The following CRTC3 variants were observed in gnomAD, a reference collection of about 807,000 sequenced individuals.
CRTC3 encodes the protein CREB regulated transcription coactivator 3.
CRTC3 carries 26 observed loss-of-function variants against 74.5 expected under a neutral mutation model. That is an observed-to-expected ratio of 0.35 (90% CI 0.26 to 0.48). The LOEUF (loss-of-function observed/expected upper bound fraction) is 0.48. Among genes scored for constraint, CRTC3 ranks in the 20% least tolerant of loss-of-function variants. The pLI, the probability that CRTC3 is intolerant of heterozygous loss-of-function variation, is 0.99. For synonymous variants in CRTC3, 377 were observed against 325.8 expected, an observed-to-expected ratio of 1.16 and a Z score of -1.69; for missense variants, 760 against 787.3, an observed-to-expected ratio of 0.97 and a Z score of 0.41.
At chr15:90,625,212 C>T (rs951117622) in intron 9 of CRTC3, 1 of 145,762 alleles carries the variant, frequency 6.9e-6, no homozygotes, top group Admixed American at 6.1e-5. Flanking sequence ...TAGGCCTGAC[C>T]CCGGCGGACA....
intron 2 of CRTC3, among the ~76,000 whole-genome samples, chr15:90,560,353 A>G (rs973553241): frequency 7.9e-5 from 12 of 152,226 alleles, no homozygotes; most frequent in East Asian, 1.9e-4. Context: ...CTCAGAGCCA[A>G]GTAGACCCAA....
chr15:90,564,069 C>G (rs1596085784), intron 2 of CRTC3, among the ~76,000 whole-genome samples: 1 of 152,284 alleles, frequency 6.6e-6, no homozygotes, highest in East Asian at 1.9e-4. Flanking sequence ...ATTACTGTCT[C>G]TATTTACAGG....
chr15:90,622,987 A>C (rs1488525547), intron 9 of CRTC3, among the ~76,000 whole-genome samples: 4 of 152,212 alleles, frequency 2.6e-5, no homozygotes, highest in African/African-American at 9.6e-5. Flanking sequence ...CAGTTCGCCC[A>C]GTCCTACTTT....
At chr15:90,616,245 G>C (rs1968492539) in intron 7 of CRTC3, among the ~76,000 whole-genome samples, 1 of 152,176 alleles carries the variant, frequency 6.6e-6, no homozygotes, top group African/African-American at 2.4e-5. Flanking sequence ...TGGTTTAGCA[G>C]AAATGACTGC....
At chr15:90,563,545 C>G (rs946577890) in intron 2 of CRTC3, among the ~76,000 whole-genome samples, 2 of 152,108 alleles carry the variant, frequency 1.3e-5, no homozygotes, top group Non-Finnish European at 2.9e-5. Flanking sequence ...TAGCCTTGAC[C>G]GAGCTTCTGC....
At position 90,642,480 on chromosome 15, in the gene CRTC3, T is replaced by TA; in HGVS notation, c.*340_*341insA. 1 of 429,936 alleles carries TA rather than the reference T, an allele frequency of 2.3e-6. No homozygotes were observed. The highest frequency in any genetic ancestry group is 3.7e-5 in the Admixed American group (1 of 27,272). 26.6% of individuals were successfully genotyped at this position (429,936 alleles called of 1,614,324 possible). ...AGGAAATACTGTGTCACTGGAGGCCTCCGTAGCATTGTGTAGTGTGCTCAG... is the reference window on the plus strand; with the variant it reads ...AGGAAATACTGTGTCACTGGAGGCCTACCGTAGCATTGTGTAGTGTGCTCAG... On this transcript the variant is annotated 3_prime_UTR_variant, in exon 15 of 15. Coordinates refer to ENST00000268184, the MANE Select transcript of CRTC3 (RefSeq NM_022769.5).
At chr15:90,534,128 A>G (rs1405964983) in intron 1 of CRTC3, among the ~76,000 whole-genome samples, 2 of 151,970 alleles carry the variant, frequency 1.3e-5, no homozygotes, top group African/African-American at 4.8e-5. Flanking sequence ...TTAGTAGGAG[A>G]TGTGATAGTG....
chr15:90,536,132 C>G (rs1427166881), intron 1 of CRTC3, among the ~76,000 whole-genome samples: 1 of 152,092 alleles, frequency 6.6e-6, no homozygotes, highest in Non-Finnish European at 1.5e-5. Flanking sequence ...CTTTTCTGTT[C>G]CAGTGATTTG....
chr15:90,555,876 T>A (rs1649025638), intron 2 of CRTC3, among the ~76,000 whole-genome samples: 4 of 152,170 alleles, frequency 2.6e-5, no homozygotes, highest in African/African-American at 9.7e-5. Flanking sequence ...TACATTGCAT[T>A]TGTTTATAGC....
chr15:90,545,542 GGC>G (rs1172332640), intron 2 of CRTC3, among the ~76,000 whole-genome samples: 6 of 151,236 alleles, frequency 4.0e-5, no homozygotes, highest in South Asian at 2.1e-4. Context: ...TGGGTTTACA[GGC>G]GCGCCCCACC....
rs1268315250 is a variant in CRTC3 at position 90,530,170 on chromosome 15, C to T, written c.99C>T (p.Phe33=). Residue 33 remains phenylalanine, a synonymous_variant, in exon 1 of 15, where the codon TTC becomes TTT. Transcript: ENST00000268184. This position sits in a 1 kb window ranked among gnomAD's most constrained non-coding sequence, Gnocchi z 6.2. ...GACAGGCCGAGGAGACGCGGGCCTT[C>T]GAGCAGCTCATGACCGACCTCACCC... ...TQRQAEETRA[F]EQLMTDLTLS... 2.1e-6 allele frequency: 3 copies of T among 1,421,138 alleles called. No homozygotes were observed. The highest frequency in any genetic ancestry group is 2.2e-5 in the Admixed American group (1 of 45,248). The allele number at this position is 1,421,138 out of a possible 1,614,324, so 88.0% of individuals were successfully genotyped here.
chr15:90,535,640 A>G (rs909645505), intron 1 of CRTC3, among the ~76,000 whole-genome samples: 4 of 142,738 alleles, frequency 2.8e-5, no homozygotes, highest in African/African-American at 8.0e-5. Context: ...GCGCAGACTC[A>G]TTATTTTCAT....
In CRTC3 at chr15:90,542,073, C is replaced by T. The variant is rs556640513; in HGVS notation, c.231+1936C>T. 7.4e-5 allele frequency among the ~76,000 whole-genome samples: 11 copies of T among 148,658 alleles called. No homozygotes were observed. In the East Asian group the frequency reaches 2.1e-3, roughly 28 times the overall value. Reference sequence around the variant, plus strand: ...TGCTGGGATTACAGGCATGAGCCACCGTGCGTAGCCCCCAGGATTCTTTTC... The same window carrying T: ...TGCTGGGATTACAGGCATGAGCCACTGTGCGTAGCCCCCAGGATTCTTTTC... On this transcript the variant is annotated intron_variant, in intron 2 of 14. Coordinates refer to ENST00000268184, the MANE Select transcript of CRTC3 (RefSeq NM_022769.5).
At chr15:90,620,688 C>T (rs541935755) in intron 9 of CRTC3, among the ~76,000 whole-genome samples, 7 of 152,142 alleles carry the variant, frequency 4.6e-5, no homozygotes, top group South Asian at 2.1e-4. Context: ...ATCATAGTGT[C>T]CGTGAGAGCA....
At chr15:90,556,300 C>A (rs1235795791) in intron 2 of CRTC3, among the ~76,000 whole-genome samples, 3 of 152,058 alleles carry the variant, frequency 2.0e-5, no homozygotes, top group African/African-American at 7.2e-5. Flanking sequence ...TCATAGATTT[C>A]CACAAGTAGA....
At chr15:90,545,054 G>A (rs1420163017) in intron 2 of CRTC3, among the ~76,000 whole-genome samples, 1 of 152,084 alleles carries the variant, frequency 6.6e-6, no homozygotes, top group African/African-American at 2.4e-5. Context: ...CTGTCTCTAT[G>A]ACTTTGACTA....
intron 11 of CRTC3, among the ~76,000 whole-genome samples, chr15:90,634,325 G>T (rs1472621978): frequency 6.6e-6 from 1 of 152,028 alleles, no homozygotes; most frequent in East Asian, 1.9e-4. Context: ...TGTTGGCCAG[G>T]CTGGTTTCAA....
At chr15:90,536,931 T>C (rs1966729750) in intron 1 of CRTC3, among the ~76,000 whole-genome samples, 1 of 152,216 alleles carries the variant, frequency 6.6e-6, no homozygotes, top group Admixed American at 6.5e-5. Context: ...CAGGAGAAGT[T>C]GGAAATCCAT....
chr15:90,601,652 C>T (rs966143716), intron 3 of CRTC3, among the ~76,000 whole-genome samples: 8 of 151,810 alleles, frequency 5.3e-5, no homozygotes, highest in African/African-American at 1.5e-4. Flanking sequence ...AGTGAAACTC[C>T]GTCTCAAAAA....
Sources: gnomAD v4.1 joint callset for allele counts (sites outside exome capture counted in the v4.1 genomes callset) on GRCh38, gnomAD v4.1.1 for gene constraint, Gnocchi (gnomAD v3.1) non-coding constraint, MANE v1.5 for transcripts, NCBI Gene and HGNC (gene_info 2026-07-23, HGNC 2026-07-21) for gene names.